Variants in CAMTA1 observed in about 807,000 individuals in gnomAD.
The protein encoded by CAMTA1 is calmodulin-binding transcription activator 1.
CAMTA1 carries 27 observed loss-of-function variants against 170.9 expected under a neutral mutation model. The ratio of observed to expected loss-of-function variants is 0.16; its 90% CI spans 0.12 to 0.22. CAMTA1 has a LOEUF of 0.22. Among genes scored for constraint, CAMTA1 ranks in the 10% least tolerant of loss-of-function variants. CAMTA1 has a pLI of 1.00. For missense variants in CAMTA1, 1,619 were observed against 2,217.2 expected (o/e 0.73, Z 5.42); for synonymous variants, 833 against 891.5 (o/e 0.93, Z 1.17).
chr1:7,525,918 G>A (rs1459760446), intron 6 of CAMTA1, among the ~76,000 whole-genome samples: 2 of 152,130 alleles, frequency 1.3e-5, no homozygotes, highest in Admixed American at 6.5e-5. Context: ...CCCACGGCCT[G>A]TGGGAGCCCC....
chr1:7,751,087 A>G (rs1386271580), intron 19 of CAMTA1, 112 bp from the exon 20 acceptor site: 3 of 861,472 alleles, frequency 3.5e-6, no homozygotes, highest in Non-Finnish European at 3.8e-6. Flanking sequence ...AGAGAATGTG[A>G]TAATAGAGGG....
intron 5 of CAMTA1, among the ~76,000 whole-genome samples, chr1:7,424,028 C>A (rs942769123): frequency 4.6e-5 from 7 of 152,108 alleles, no homozygotes; most frequent in African/African-American, 7.2e-5. Context: ...CATGCGGCAC[C>A]TTTCTTGGGG....
intron 5 of CAMTA1, among the ~76,000 whole-genome samples, chr1:7,453,766 G>A (rs1416013765): frequency 2.6e-5 from 4 of 152,242 alleles, no homozygotes; most frequent in Non-Finnish European, 5.9e-5. Context: ...AAGAAGGGGT[G>A]GCTGTGGCAG....
In CAMTA1 at chr1:7,585,747, G is replaced by A. The variant is rs538074829; in HGVS notation, c.511-54653G>A. 1.3e-5 allele frequency among the ~76,000 whole-genome samples: 2 copies of A among 150,914 alleles called. No individual in the cohort carries two copies. Among genetic ancestry groups the A allele is most frequent in the Non-Finnish European group, 2.9e-5 (2 of 68,004 alleles). On this transcript the variant is annotated intron_variant, in intron 6 of 22. Coordinates refer to ENST00000303635, the MANE Select transcript of CAMTA1 (RefSeq NM_015215.4). The surrounding 1 kb of genome is among the most constrained non-coding windows in gnomAD (Gnocchi z 4.8). ...GGTGCCCAGTTCATACATCCTAGAG[G>A]GGGGCTCTCTTGTGGACAGACAGGC...
At chr1:7,551,062 C>A (rs2094794484) in intron 6 of CAMTA1, among the ~76,000 whole-genome samples, 1 of 152,156 alleles carries the variant, frequency 6.6e-6, no homozygotes. Context: ...TGGGAAGGCG[C>A]AGGATTGGCC....
At chr1:7,162,044 G>A (rs1022687348) in intron 4 of CAMTA1, among the ~76,000 whole-genome samples, 3 of 152,218 alleles carry the variant, frequency 2.0e-5, no homozygotes, top group Admixed American at 2.0e-4. Context: ...AAAGATTAGA[G>A]GGAAGGACAG....
At chr1:7,763,463 C>T (rs532431460) in intron 22 of CAMTA1, among the ~76,000 whole-genome samples, 130 of 152,318 alleles carry the variant, frequency 8.5e-4, no homozygotes, top group Non-Finnish European at 1.6e-3. Flanking sequence ...AGACATTGTA[C>T]GTGGACATGC....
chr1:7,097,535 C>G (rs1267078383), intron 4 of CAMTA1, among the ~76,000 whole-genome samples: 1 of 152,236 alleles, frequency 6.6e-6, no homozygotes, highest in African/African-American at 2.4e-5. Context: ...AGACCCCTGG[C>G]AGTGACCTGT....
At chr1:7,643,156 A>G (rs185936239) in intron 7 of CAMTA1, among the ~76,000 whole-genome samples, 1 of 150,054 alleles carries the variant, frequency 6.7e-6, no homozygotes, top group African/African-American at 2.5e-5. Context: ...TGCTCAAAAC[A>G]AGTCTTCAGT....
At chr1:7,721,094 C>G (rs1034486263) in intron 11 of CAMTA1, among the ~76,000 whole-genome samples, 5 of 152,210 alleles carry the variant, frequency 3.3e-5, no homozygotes, top group African/African-American at 4.8e-5. Flanking sequence ...CTGAATGGTG[C>G]TAGGGATACA....
chr1:7,047,990 C>T (rs79547587), intron 3 of CAMTA1, among the ~76,000 whole-genome samples: 2 of 152,138 alleles, frequency 1.3e-5, no homozygotes, highest in African/African-American at 2.4e-5. Context: ...CACCCTACCC[C>T]CTAGCTGATT....
chr1:7,526,308 C>G (rs1170966010), intron 6 of CAMTA1, among the ~76,000 whole-genome samples: 1 of 152,058 alleles, frequency 6.6e-6, no homozygotes, highest in Non-Finnish European at 1.5e-5. Context: ...CCCCGAGCTC[C>G]CCCACCGCCC....
At chr1:7,182,156 G>A (rs1430623029) in intron 4 of CAMTA1, among the ~76,000 whole-genome samples, 1 of 152,022 alleles carries the variant, frequency 6.6e-6, no homozygotes, top group East Asian at 1.9e-4. Flanking sequence ...GGCAGCCTTT[G>A]GAAGAAGATA....
chr1:6,859,538 C>T (rs1017480728), intron 3 of CAMTA1, among the ~76,000 whole-genome samples: 2 of 152,126 alleles, frequency 1.3e-5, no homozygotes, highest in Non-Finnish European at 2.9e-5. Flanking sequence ...CCTGTAATTC[C>T]AGCAGTTTGA....
intron 3 of CAMTA1, among the ~76,000 whole-genome samples, chr1:6,867,853 T>A (rs1667130214): frequency 6.6e-6 from 1 of 152,100 alleles, no homozygotes; most frequent in African/African-American, 2.4e-5. Flanking sequence ...TCACCCAGGC[T>A]GGAATGCAGC....
intron 3 of CAMTA1, among the ~76,000 whole-genome samples, chr1:6,962,521 C>T (rs1337885905): frequency 6.6e-6 from 1 of 151,366 alleles, no homozygotes; most frequent in Non-Finnish European, 1.5e-5. Context: ...CTTTATGGAC[C>T]TGCCCTCGTC....
At chr1:7,621,127 C>G (rs74053113) in intron 6 of CAMTA1, among the ~76,000 whole-genome samples, 2,614 of 152,266 alleles carry the variant, frequency 0.017, 70 homozygotes, top group African/African-American at 0.06. Flanking sequence ...AGGCATTGCA[C>G]CCTGATTAGG....
chr1:7,212,194 T>G (rs1240134377), intron 4 of CAMTA1, among the ~76,000 whole-genome samples: 2 of 152,244 alleles, frequency 1.3e-5, no homozygotes, highest in African/African-American at 2.4e-5. Context: ...TCTCTCTGGT[T>G]ATGTTATTCT....
chr1:7,200,896 G>A (rs766382995), intron 4 of CAMTA1, among the ~76,000 whole-genome samples: 96 of 152,136 alleles, frequency 6.3e-4, no homozygotes, highest in Non-Finnish European at 1.1e-3. Context: ...CAGCTTTATT[G>A]TGATGTAATT....
Sources: allele counts gnomAD v4.1 joint callset (sites outside exome capture counted in the v4.1 genomes callset), GRCh38; gene constraint gnomAD v4.1.1; non-coding constraint Gnocchi (gnomAD v3.1); transcripts MANE v1.5; gene names NCBI Gene and HGNC (gene_info 2026-07-23, HGNC 2026-07-21).